The following NCOA2 variants were observed in gnomAD, a reference collection of about 807,000 sequenced individuals.
The protein encoded by NCOA2 is nuclear receptor coactivator 2.
In NCOA2, 21 loss-of-function variants were observed where a neutral mutation model predicts 145.1. The ratio of observed to expected loss-of-function variants is 0.14; its 90% CI spans 0.10 to 0.21. The LOEUF (loss-of-function observed/expected upper bound fraction) is 0.21, where lower values mean the gene tolerates loss of function less well. Among genes scored for constraint, NCOA2 ranks in the 10% least tolerant of loss-of-function variants. The pLI, the probability that NCOA2 is intolerant of heterozygous loss-of-function variation, is 1.00. For missense variants in NCOA2, 1,472 were observed against 1,837.6 expected, an observed-to-expected ratio of 0.80 and a Z score of 3.64; for synonymous variants, 619 against 637.5, an observed-to-expected ratio of 0.97 and a Z score of 0.44.
At chr8:70,430,408 T>C in the NCOA2 span, among the ~76,000 whole-genome samples, 1 of 152,246 alleles carries the variant, frequency 6.6e-6, no homozygotes, top group Non-Finnish European at 1.5e-5. Flanking sequence ...TACAGCTTTA[T>C]AAAGGGATAA....
intron 1 of NCOA2, among the ~76,000 whole-genome samples, chr8:70,330,644 T>C (rs1468422880): frequency 1.3e-5 from 2 of 149,320 alleles, no homozygotes; most frequent in Non-Finnish European, 1.5e-5. Flanking sequence ...CTGGCAGTCA[T>C]AGAAAAAAAT....
In NCOA2 at chr8:70,268,878, T is replaced by C. The variant is rs77079206; in HGVS notation, c.-20+27866A>G. On this transcript the variant is annotated intron_variant, in intron 2 of 22. Coordinates refer to ENST00000452400, the MANE Select transcript of NCOA2 (RefSeq NM_006540.4). ...ACTGAGCAAGTATCATTTTGGTTAG[T>C]AGGCTCTTTTGAGCTTGAAAAATTA... Among the ~76,000 whole-genome samples, 84 of 152,336 alleles carry C rather than the reference T, an allele frequency of 5.5e-4. 1 individual carries two copies. In the East Asian group the frequency reaches 0.014, roughly 25 times the overall value.
At chr8:70,302,073 G>A (rs1286912657) in intron 1 of NCOA2, among the ~76,000 whole-genome samples, 1 of 151,978 alleles carries the variant, frequency 6.6e-6, no homozygotes, top group African/African-American at 2.4e-5. Context: ...AGTCACCACA[G>A]GATATAACCC....
intron 4 of NCOA2, among the ~76,000 whole-genome samples, chr8:70,195,570 C>T (rs902803289): frequency 2.6e-5 from 4 of 152,130 alleles, no homozygotes; most frequent in African/African-American, 7.2e-5. Flanking sequence ...AAAATTTTCA[C>T]TTAATTATTT....
rs1283227899 is a variant in NCOA2, at chr8:70,165,880, C to T, written c.730+686G>A. ...TGTCGCCCAGGCTGGAGTGCAATGG[C>T]GTGATCTTGGCTAACTGCAACCTCC... On this transcript the variant is annotated intron_variant, in intron 7 of 22. Coordinates refer to ENST00000452400, the MANE Select transcript of NCOA2 (RefSeq NM_006540.4). Among the ~76,000 whole-genome samples, 6 of 152,262 alleles carry T rather than the reference C, an allele frequency of 3.9e-5. 1 individual carries two copies. The highest frequency in any genetic ancestry group is 5.9e-5 in the Non-Finnish European group (4 of 68,022).
intron 2 of NCOA2, among the ~76,000 whole-genome samples, chr8:70,287,555 G>T (rs1161891582): frequency 1.3e-5 from 2 of 152,130 alleles, no homozygotes; most frequent in African/African-American, 4.8e-5. Context: ...AGGGAGTAGG[G>T]CTGGGCCCTG....
At position 70,112,688 on chromosome 8, in the gene NCOA2, T is replaced by C. The variant is rs549757712; in HGVS notation, c.*944A>G. On this transcript the variant is annotated 3_prime_UTR_variant, in exon 23 of 23. Coordinates refer to ENST00000452400, the MANE Select transcript of NCOA2 (RefSeq NM_006540.4). The stretch of plus-strand genomic sequence containing the variant: ...CAATACTTAGCAATTGGTAAGTGGC[T>C]GGCAAAACATTTAAGGAAATAAAGG... 1.1e-4 allele frequency: 23 copies of C among 202,182 alleles called. 1 individual carries two copies. In the South Asian group the frequency reaches 3.6e-3, roughly 32 times the overall value. The allele number at this position is 202,182 out of a possible 1,614,324, so 12.5% of individuals were successfully genotyped here. A position where few individuals can be genotyped will look rare whatever the true frequency, so the allele number is the denominator to read the frequency against.
At chr8:70,271,573 T>C (rs1825050328) in intron 2 of NCOA2, among the ~76,000 whole-genome samples, 1 of 152,224 alleles carries the variant, frequency 6.6e-6, no homozygotes, top group Non-Finnish European at 1.5e-5. Flanking sequence ...GACTTGACTA[T>C]TTAGAAACTA....
chr8:70,275,863 T>C (rs1261818082), intron 2 of NCOA2, among the ~76,000 whole-genome samples: 1 of 152,208 alleles, frequency 6.6e-6, no homozygotes, highest in Non-Finnish European at 1.5e-5. Context: ...AGACGATGGT[T>C]CTTATGCTTA....
At chr8:70,216,602 A>C in intron 3 of NCOA2, 58 bp downstream of exon 3, 1 of 1,345,272 alleles carries the variant, frequency 7.4e-7, no homozygotes, top group East Asian at 2.3e-5. Flanking sequence ...AATAACAAAG[A>C]AGCACTCATG....
At chr8:70,206,241 C>T (rs745549904) in intron 4 of NCOA2, among the ~76,000 whole-genome samples, 2 of 152,168 alleles carry the variant, frequency 1.3e-5, no homozygotes, top group Non-Finnish European at 2.9e-5. Flanking sequence ...GTGTTTGAAC[C>T]TGCAAGTGGG....
chr8:70,165,803 G>C (rs1417590267), intron 7 of NCOA2, among the ~76,000 whole-genome samples: 1 of 152,094 alleles, frequency 6.6e-6, no homozygotes, highest in Non-Finnish European at 1.5e-5. Context: ...TTAAAAGGTT[G>C]TTTTAACTGT....
intron 1 of NCOA2, among the ~76,000 whole-genome samples, chr8:70,384,287 T>C (rs1344730320): frequency 6.6e-6 from 1 of 151,938 alleles, no homozygotes; most frequent in Non-Finnish European, 1.5e-5. Flanking sequence ...ACACAAATAC[T>C]TGATTTTGGT....
chr8:70,332,007 A>G (rs912305320), intron 1 of NCOA2, among the ~76,000 whole-genome samples: 5 of 152,168 alleles, frequency 3.3e-5, no homozygotes, highest in Non-Finnish European at 7.4e-5. Context: ...TCCTTTATTA[A>G]GGTTTCAAAA....
At chr8:70,247,369 A>T (rs2134625504) in intron 2 of NCOA2, among the ~76,000 whole-genome samples, 1 of 151,874 alleles carries the variant, frequency 6.6e-6, no homozygotes, top group African/African-American at 2.4e-5. Flanking sequence ...ACAATTCAGA[A>T]TTTTTAAGAT....
chr8:70,382,756 A>G (rs1226874465), intron 1 of NCOA2, among the ~76,000 whole-genome samples: 2 of 152,256 alleles, frequency 1.3e-5, no homozygotes, highest in Non-Finnish European at 1.5e-5. Context: ...CACGCGTTCC[A>G]GAAGGGTTAA....
intron 2 of NCOA2, among the ~76,000 whole-genome samples, chr8:70,254,828 C>T (rs1823505125): frequency 1.3e-5 from 2 of 152,098 alleles, no homozygotes; most frequent in African/African-American, 2.4e-5. Flanking sequence ...CTTAATGCCA[C>T]AGAACTATAC....
intron 1 of NCOA2, among the ~76,000 whole-genome samples, chr8:70,374,995 GT>G (rs1811546389): frequency 6.6e-6 from 1 of 151,468 alleles, no homozygotes; most frequent in Non-Finnish European, 1.5e-5. Flanking sequence ...TAGAAAAAAA[GT>G]TCAGTCACCC....
intron 1 of NCOA2, among the ~76,000 whole-genome samples, chr8:70,316,580 G>A (rs1319682772): frequency 6.6e-6 from 1 of 151,670 alleles, no homozygotes; most frequent in Non-Finnish European, 1.5e-5. Context: ...GGTCCCAACA[G>A]ACCAGACCAA....
Sources: allele counts gnomAD v4.1 joint callset (sites outside exome capture counted in the v4.1 genomes callset), GRCh38; gene constraint gnomAD v4.1.1; transcripts MANE v1.5; gene names NCBI Gene and HGNC (gene_info 2026-07-23, HGNC 2026-07-21).